NLGN4X: variants seen among roughly 807,000 people sequenced by gnomAD.
NLGN4X encodes neuroligin 4 X-linked, also known as neuroligin-4, X-linked.
A neutral mutation model predicts 40.3 loss-of-function variants in NLGN4X; 3 were observed. The ratio of observed to expected loss-of-function variants is 0.07; its 90% confidence interval spans 0.03 to 0.19. The LOEUF (loss-of-function observed/expected upper bound fraction) is 0.19. Ranked by LOEUF, NLGN4X falls within the 10% of genes least tolerant of loss-of-function variation. The probability of loss-of-function intolerance (pLI) is 1.00; values close to 1 mark genes in which losing one functional copy is unlikely to be tolerated. For missense variants in NLGN4X, 382 were observed against 708.3 expected, an observed-to-expected ratio of 0.54 and a Z score of 5.23; for synonymous variants, 270 against 306.8, an observed-to-expected ratio of 0.88 and a Z score of 1.25.
intron 2 of NLGN4X, among the ~76,000 whole-genome samples, chrX:6,043,032 C>T (rs865980700): frequency 3.8e-5 from 4 of 106,386 alleles, no homozygotes; most frequent in Admixed American, 1.0e-4. Flanking sequence ...GCCAAGATCA[C>T]GCCACTGCAC....
chrX:6,100,038 T>A (rs2038871192), intron 2 of NLGN4X, among the ~76,000 whole-genome samples: 1 of 112,338 alleles, frequency 8.9e-6, no homozygotes. Context: ...TGATAAGCAT[T>A]GTTTTTATAG....
intron 1 of NLGN4X, among the ~76,000 whole-genome samples, chrX:6,201,895 A>C (rs1923649061): frequency 3.6e-5 from 4 of 111,331 alleles, no homozygotes. Context: ...CGATGGAAAT[A>C]ATCATCAAAC....
At chrX:6,212,804 AAGTGAAT>A (rs1924735277) in intron 1 of NLGN4X, among the ~76,000 whole-genome samples, 1 of 111,866 alleles carries the variant, frequency 8.9e-6, no homozygotes, top group Non-Finnish European at 1.9e-5. Flanking sequence ...CTTGCTATTC[AAGTGAAT>A]AGACTCTCTG....
chrX:6,067,662 G>A (rs1178069919), intron 2 of NLGN4X, among the ~76,000 whole-genome samples: 1 of 111,530 alleles, frequency 9.0e-6, no homozygotes, highest in Admixed American at 9.6e-5. Flanking sequence ...GCATTAGATA[G>A]TGCATCTGGG....
At chrX:6,020,302 T>C (rs1355247310) in intron 3 of NLGN4X, among the ~76,000 whole-genome samples, 1 of 112,070 alleles carries the variant, frequency 8.9e-6, no homozygotes. Context: ...CATTTGGGAC[T>C]ACATGGATGA....
chrX:6,051,388 C>T (rs997350122), intron 2 of NLGN4X, among the ~76,000 whole-genome samples: 1 of 111,312 alleles, frequency 9.0e-6, no homozygotes, highest in African/African-American at 3.3e-5. Flanking sequence ...GATGTGATCA[C>T]GTAATTTCTT....
intron 3 of NLGN4X, among the ~76,000 whole-genome samples, chrX:5,996,843 G>A (rs980579313): frequency 3.6e-5 from 4 of 110,502 alleles, no homozygotes; most frequent in Non-Finnish European, 7.6e-5. Context: ...GTGATCCGCC[G>A]GCCTCGGCCT....
chrX:6,189,412 C>G (rs926005809), intron 1 of NLGN4X, among the ~76,000 whole-genome samples: 1 of 112,183 alleles, frequency 8.9e-6, no homozygotes, highest in African/African-American at 3.2e-5. Flanking sequence ...AGCATTCCCC[C>G]CTTAAGAGAA....
At chrX:6,003,942 C>CTT (rs2036036806) in intron 3 of NLGN4X, among the ~76,000 whole-genome samples, 3 of 112,093 alleles carry the variant, frequency 2.7e-5, no homozygotes, top group Non-Finnish European at 5.6e-5. Flanking sequence ...GGCTCCTGTA[C>CTT]CTGCTCACCT....
intron 2 of NLGN4X, among the ~76,000 whole-genome samples, chrX:6,046,524 A>C (rs2037322447): frequency 8.9e-6 from 1 of 111,797 alleles, no homozygotes; most frequent in Non-Finnish European, 1.9e-5. Flanking sequence ...ATATGAATTA[A>C]TAATGTATGC....
intron 3 of NLGN4X, among the ~76,000 whole-genome samples, chrX:5,914,783 G>C (rs2032699580): frequency 1.8e-5 from 2 of 111,800 alleles, no homozygotes; most frequent in African/African-American, 6.5e-5. Context: ...ATTTGTGTTA[G>C]ATCATGCAAA....
chrX:6,178,168 C>A (rs1921022601), intron 1 of NLGN4X, among the ~76,000 whole-genome samples: 1 of 111,853 alleles, frequency 8.9e-6, no homozygotes, highest in African/African-American at 3.3e-5. Flanking sequence ...GGCTTCCAGA[C>A]CACCTAATAT....
At chrX:5,998,329 G>T (rs772470713) in intron 3 of NLGN4X, among the ~76,000 whole-genome samples, 1 of 105,660 alleles carries the variant, frequency 9.5e-6, no homozygotes, top group Non-Finnish European at 1.9e-5. Flanking sequence ...AGAATCACTT[G>T]AACCTGGGAG....
chrX:5,920,224 C>T (rs1279237321), intron 3 of NLGN4X, among the ~76,000 whole-genome samples: 3 of 111,921 alleles, frequency 2.7e-5, no homozygotes, highest in Non-Finnish European at 5.6e-5. Context: ...CAGAAGGAGT[C>T]CCGGTGTAGC....
At chrX:5,955,223 G>C (rs1006164291) in intron 3 of NLGN4X, among the ~76,000 whole-genome samples, 1 of 111,391 alleles carries the variant, frequency 9.0e-6, no homozygotes, top group Admixed American at 9.6e-5. Context: ...TATCATGAGA[G>C]AGCCCTTTAT....
chrX:6,079,001 C>T (rs759808388), intron 2 of NLGN4X, among the ~76,000 whole-genome samples: 2 of 111,612 alleles, frequency 1.8e-5, no homozygotes, highest in Non-Finnish European at 3.8e-5. Context: ...TTCCTGCTGC[C>T]CTGTGAAGAA....
At chrX:6,021,051 TCCCTCCCTCCCTCC>T (rs2036531262) in intron 3 of NLGN4X, among the ~76,000 whole-genome samples, 3 of 23,391 alleles carry the variant, frequency 1.3e-4, no homozygotes, top group Non-Finnish European at 2.1e-4. Context: ...TCTCTCTCCC[TCCCTCCCTCCCTCC>T]CTCCCTCCCT....
chrX:6,051,535 T>C (rs916071985), intron 2 of NLGN4X, among the ~76,000 whole-genome samples: 3 of 110,548 alleles, frequency 2.7e-5, no homozygotes, highest in Non-Finnish European at 5.7e-5. Context: ...GAAGTGACGC[T>C]TCCAAGAAAA....
chrX:6,168,482 G>A (rs2040540278), intron 1 of NLGN4X, among the ~76,000 whole-genome samples: 1 of 112,130 alleles, frequency 8.9e-6, no homozygotes, highest in Non-Finnish European at 1.9e-5. Flanking sequence ...GAATTTGTGG[G>A]AGGACATATA....
Sources: gnomAD v4.1 joint callset for allele counts (sites outside exome capture counted in the v4.1 genomes callset) on GRCh38, gnomAD v4.1.1 for gene constraint, MANE v1.5 for transcripts, NCBI Gene and HGNC (gene_info 2026-07-23, HGNC 2026-07-21) for gene names.